The following PCDH15 variants were observed in gnomAD, a reference collection of about 807,000 sequenced individuals.
PCDH15 encodes protocadherin related 15.
In PCDH15, 129 loss-of-function variants were observed where a neutral mutation model predicts 178.5. The ratio of observed to expected loss-of-function variants is 0.72; its 90% CI spans 0.63 to 0.84. The LOEUF (loss-of-function observed/expected upper bound fraction) is 0.84. Among genes scored for constraint, PCDH15 ranks in the 40% least tolerant of loss-of-function variants. The probability of loss-of-function intolerance (pLI) is 0.00; values close to 1 mark genes in which losing one functional copy is unlikely to be tolerated. For missense variants in PCDH15, 2,230 were observed against 2,099.9 expected (o/e 1.06, Z -1.21); for synonymous variants, 800 against 732.0 (o/e 1.09, Z -1.50).
intron 2 of PCDH15, among the ~76,000 whole-genome samples, chr10:55,478,626 GAGA>G (rs1368048862): frequency 1.3e-5 from 2 of 150,352 alleles, no homozygotes; most frequent in African/African-American, 2.4e-5. Context: ...ACAAAATTAG[GAGA>G]AGGAAATAAA....
intron 4 of PCDH15, among the ~76,000 whole-genome samples, chr10:54,376,001 T>A (rs1948372630): frequency 6.6e-6 from 1 of 151,596 alleles, no homozygotes; most frequent in Non-Finnish European, 1.5e-5. Flanking sequence ...ATCAAGTGAT[T>A]CTTCTGCCTC....
Position 55,025,193 on chromosome 10 carries a change from A to G in PCDH15, c.-79-127693T>C, listed in dbSNP as rs545731704. Among the ~76,000 whole-genome samples, 242 of 152,326 alleles carry G rather than the reference A, an allele frequency of 1.6e-3. 4 individuals are homozygous for G. The highest frequency in any genetic ancestry group is 5.6e-3 in the African/African-American group (232 of 41,570). ...TGTATATGTGTGTTGAGTGAAAATA[A>G]CAGCAACAAAGAAAGAGAGATTGAA... On this transcript the variant is annotated intron_variant, in intron 2 of 5. Transcript: ENST00000458638.
chr10:54,543,861 G>C (rs1214672384), intron 2 of PCDH15, among the ~76,000 whole-genome samples: 1 of 152,148 alleles, frequency 6.6e-6, no homozygotes, highest in East Asian at 1.9e-4. Context: ...GAGTTTGCCA[G>C]CTCCCCAGAA....
chr10:54,071,261 C>A (rs561643072), intron 17 of PCDH15, among the ~76,000 whole-genome samples: 1 of 152,196 alleles, frequency 6.6e-6, no homozygotes, highest in South Asian at 2.1e-4. Context: ...ACTGGGTTTT[C>A]TGATTAGCAT....
chr10:54,792,795 T>G (rs1951545417), intron 1 of PCDH15, among the ~76,000 whole-genome samples: 6 of 151,850 alleles, frequency 4.0e-5, no homozygotes, highest in African/African-American at 1.4e-4. Flanking sequence ...TTGTCACCTA[T>G]CTAATTTCCT....
At chr10:55,538,537 C>G (rs1841654561) in intron 2 of PCDH15, among the ~76,000 whole-genome samples, 1 of 131,012 alleles carries the variant, frequency 7.6e-6, no homozygotes, top group African/African-American at 2.9e-5. Flanking sequence ...TTCCTTCCTC[C>G]TTTCCTTCCT....
intron 25 of PCDH15, among the ~76,000 whole-genome samples, chr10:53,912,263 C>T (rs2083158956): frequency 6.6e-6 from 1 of 152,156 alleles, no homozygotes; most frequent in Non-Finnish European, 1.5e-5. Flanking sequence ...ATGCTAAAAA[C>T]TCTCAATAAA....
intron 8 of PCDH15, among the ~76,000 whole-genome samples, chr10:54,254,489 G>A (rs571008989): frequency 4.6e-5 from 7 of 152,106 alleles, no homozygotes; most frequent in Admixed American, 2.0e-4. Context: ...GGCAGAGCAT[G>A]TATAATAACC....
intron 28 of PCDH15, among the ~76,000 whole-genome samples, chr10:53,855,170 AGAGATAATATTCTAGT>A (rs1418740813): frequency 1.3e-5 from 2 of 152,050 alleles, no homozygotes; most frequent in Non-Finnish European, 2.9e-5. Context: ...ATACATTCGT[AGAGATAATATTCTAGT>A]GGAAATTGAC....
chr10:55,514,046 A>G (rs1404849324), intron 2 of PCDH15, among the ~76,000 whole-genome samples: 1 of 152,106 alleles, frequency 6.6e-6, no homozygotes, highest in East Asian at 1.9e-4. Flanking sequence ...ATTTCTAAAT[A>G]TTAATAAGAT....
chr10:54,699,378 G>A (rs796942897), intron 1 of PCDH15, among the ~76,000 whole-genome samples: 35 of 152,162 alleles, frequency 2.3e-4, no homozygotes, highest in African/African-American at 7.5e-4. Context: ...TGATCTAGAT[G>A]TCATGTAAAC....
chr10:54,255,953 T>C (rs1185234439), intron 8 of PCDH15, among the ~76,000 whole-genome samples: 1 of 152,162 alleles, frequency 6.6e-6, no homozygotes, highest in Non-Finnish European at 1.5e-5. Context: ...CTTACAAGAA[T>C]AACTTAAACT....
At chr10:55,329,455 G>T (rs755794645) in intron 2 of PCDH15, among the ~76,000 whole-genome samples, 113 of 151,716 alleles carry the variant, frequency 7.4e-4, no homozygotes, top group Non-Finnish European at 1.2e-3. Context: ...GAGAGAAAAA[G>T]GGTCTTGAAA....
At chr10:54,962,945 A>C (rs996578880) in intron 2 of PCDH15, among the ~76,000 whole-genome samples, 13 of 152,316 alleles carry the variant, frequency 8.5e-5, no homozygotes, top group Non-Finnish European at 1.3e-4. Flanking sequence ...GACAGAACTG[A>C]ACTCTGTTTA....
intron 15 of PCDH15, among the ~76,000 whole-genome samples, chr10:54,097,083 A>G (rs537319179): frequency 7.2e-5 from 11 of 152,282 alleles, no homozygotes; most frequent in African/African-American, 2.4e-4. Context: ...CCAGGCCTAG[A>G]ATGTGCTGAC....
intron 2 of PCDH15, among the ~76,000 whole-genome samples, chr10:54,969,923 C>T (rs1838889450): frequency 6.6e-6 from 1 of 152,104 alleles, no homozygotes; most frequent in African/African-American, 2.4e-5. Context: ...AGAGATGTTC[C>T]AATTATTTGA....
At chr10:54,278,283 A>T (rs563307512) in intron 8 of PCDH15, among the ~76,000 whole-genome samples, 2 of 151,664 alleles carry the variant, frequency 1.3e-5, no homozygotes, top group East Asian at 3.9e-4. Context: ...ATTTGTAGCC[A>T]TTGGTGTCAT....
At chr10:53,925,729 G>T (rs1388655280) in intron 25 of PCDH15, among the ~76,000 whole-genome samples, 2 of 152,128 alleles carry the variant, frequency 1.3e-5, no homozygotes, top group Non-Finnish European at 1.5e-5. Flanking sequence ...TCCAGTCCCT[G>T]GTTTCTAGTC....
rs150538104 is a variant in PCDH15 at position 54,721,272 on chromosome 10, A to G, written c.-28-56982T>C. On this transcript the variant is annotated intron_variant, in intron 1 of 37. Transcript: ENST00000644397. ...GCAAAGTTTATAGTGTTAAATGTCTACATCAAAAAGAATGATCTCAAAGTA... is the reference window on the plus strand; with the variant it reads ...GCAAAGTTTATAGTGTTAAATGTCTGCATCAAAAAGAATGATCTCAAAGTA... Among the ~76,000 whole-genome samples the G allele has an allele frequency of 8.5e-4, 129 of 152,092 alleles. 1 individual carries two copies. The East Asian group carries it at 0.024, about 28-fold the overall frequency.
Sources: allele counts gnomAD v4.1 joint callset (sites outside exome capture counted in the v4.1 genomes callset), GRCh38; gene constraint gnomAD v4.1.1; transcripts MANE v1.5; gene names NCBI Gene and HGNC (gene_info 2026-07-23, HGNC 2026-07-21).